NAALADL2: variants seen among roughly 807,000 people sequenced by gnomAD.
NAALADL2 encodes N-acetylated alpha-linked acidic dipeptidase like 2, also known as inactive N-acetylated-alpha-linked acidic dipeptidase-like protein 2.
In NAALADL2, 76 loss-of-function variants were observed where a neutral mutation model predicts 87.2. The ratio of observed to expected loss-of-function variants is 0.87; its 90% CI spans 0.72 to 1.05. The LOEUF (loss-of-function observed/expected upper bound fraction) is 1.05. NAALADL2 is among the 50% of genes least tolerant of loss of function. The pLI is 0.00. For missense variants in NAALADL2, 1,089 were observed against 945.8 expected (o/e 1.15, Z -1.99); for synonymous variants, 354 against 331.0 (o/e 1.07, Z -0.75).
intron 1 of NAALADL2, among the ~76,000 whole-genome samples, chr3:174,482,126 A>G (rs1281700879): frequency 1.3e-5 from 2 of 152,050 alleles, no homozygotes; most frequent in African/African-American, 4.8e-5. Context: ...TCCAACACCT[A>G]ATGCAGTTCT....
chr3:174,610,362 A>G (rs1719686295), intron 2 of NAALADL2, among the ~76,000 whole-genome samples: 2 of 151,250 alleles, frequency 1.3e-5, no homozygotes, highest in African/African-American at 4.8e-5. Flanking sequence ...AGAAACTACC[A>G]TCAGAGTGAA....
chr3:174,652,151 A>G (rs1724422995), intron 2 of NAALADL2, among the ~76,000 whole-genome samples: 1 of 152,212 alleles, frequency 6.6e-6, no homozygotes, highest in Non-Finnish European at 1.5e-5. Context: ...TCCTCGCAGC[A>G]CTCAGTCAAT....
intron 5 of NAALADL2, among the ~76,000 whole-genome samples, chr3:175,406,329 G>A (rs1261835333): frequency 6.6e-6 from 1 of 152,180 alleles, no homozygotes; most frequent in Non-Finnish European, 1.5e-5. Flanking sequence ...CCATTGGGTA[G>A]AGTATCCTTA....
chr3:175,086,046 T>G (rs960126489), intron 1 of NAALADL2, among the ~76,000 whole-genome samples: 3 of 152,204 alleles, frequency 2.0e-5, no homozygotes, highest in Admixed American at 2.0e-4. Flanking sequence ...AAAGAGTCTT[T>G]CGTTTTTCAT....
chr3:175,435,812 A>G (rs1718539585), intron 5 of NAALADL2, among the ~76,000 whole-genome samples: 1 of 151,090 alleles, frequency 6.6e-6, no homozygotes, highest in South Asian at 2.1e-4. Flanking sequence ...GGAAAGGAAG[A>G]CCCAAATTAA....
At chr3:175,294,346 T>A (rs2110168368) in intron 4 of NAALADL2, among the ~76,000 whole-genome samples, 2 of 150,512 alleles carry the variant, frequency 1.3e-5, no homozygotes, top group South Asian at 4.2e-4. Context: ...ATTTTTAATA[T>A]TCACCACTGT....
intron 1 of NAALADL2, among the ~76,000 whole-genome samples, chr3:174,500,674 T>C (rs1718823193): frequency 6.6e-6 from 1 of 152,192 alleles, no homozygotes; most frequent in Admixed American, 6.5e-5. Context: ...AATTTTATCG[T>C]GAATGGATAT....
chr3:175,323,819 C>A (rs1228959232), intron 4 of NAALADL2, among the ~76,000 whole-genome samples: 1 of 151,114 alleles, frequency 6.6e-6, no homozygotes, highest in East Asian at 2.0e-4. Context: ...CGATCGAGAC[C>A]ATCCTGGCTG....
chr3:175,798,695 T>C (rs1271834558), intron 13 of NAALADL2, among the ~76,000 whole-genome samples: 3 of 152,062 alleles, frequency 2.0e-5, no homozygotes, highest in Admixed American at 6.6e-5. Context: ...GACCTGAACA[T>C]TTTTTTAGGA....
chr3:174,478,497 TTAATTTTGGAATTTCTCCCCC>T (rs1717350324), intron 1 of NAALADL2, among the ~76,000 whole-genome samples: 1 of 152,058 alleles, frequency 6.6e-6, no homozygotes, highest in Admixed American at 6.6e-5. Context: ...GAAATCAGAT[TTAATTTTGGAATTTCTCCCCC>T]TAATTCTATA....
At chr3:174,903,361 TAAC>T in intron 1 of NAALADL2, among the ~76,000 whole-genome samples, 1 of 152,228 alleles carries the variant, frequency 6.6e-6, no homozygotes, top group East Asian at 1.9e-4. Context: ...TTACCTCACT[TAAC>T]ATTTTAGAAA....
At chr3:175,454,503 C>T (rs559147384) in intron 6 of NAALADL2, among the ~76,000 whole-genome samples, 1 of 151,900 alleles carries the variant, frequency 6.6e-6, no homozygotes, top group Admixed American at 6.6e-5. Flanking sequence ...CTTCTTCATC[C>T]CAGTTTTGGT....
At chr3:175,490,972 A>G (rs1259410339) in intron 9 of NAALADL2, among the ~76,000 whole-genome samples, 1 of 152,148 alleles carries the variant, frequency 6.6e-6, no homozygotes, top group Non-Finnish European at 1.5e-5. Flanking sequence ...TATATCTTAT[A>G]GCCTTCAAAT....
intron 2 of NAALADL2, among the ~76,000 whole-genome samples, chr3:174,643,547 G>A (rs1399125818): frequency 2.0e-5 from 3 of 151,948 alleles, no homozygotes; most frequent in African/African-American, 4.8e-5. Flanking sequence ...CCAGCTACTC[G>A]GGAGGCTGAG....
At position 175,234,018 on chromosome 3, in the gene NAALADL2, T is replaced by C; in HGVS notation, c.633T>C (p.Asp211=). 1 of 1,613,836 alleles carries C rather than the reference T, an allele frequency of 6.2e-7. No individual in the cohort carries two copies. The change falls in exon 3 of 14, where the codon GAT becomes GAC. Residue 211 remains aspartate, a synonymous_variant. Coordinates refer to ENST00000454872, the MANE Select transcript of NAALADL2 (RefSeq NM_207015.3). ...KTQWTSLGLE[D]VQFVNYSVLL... The stretch of plus-strand genomic sequence containing the variant: ...AGTGGACCTCTTTGGGCCTAGAAGA[T>C]GTACAGTTTGTAAATTACTCTGTGC...
intron 11 of NAALADL2, among the ~76,000 whole-genome samples, chr3:175,690,186 A>C (rs1736856862): frequency 6.6e-6 from 1 of 152,054 alleles, no homozygotes; most frequent in Non-Finnish European, 1.5e-5. Context: ...TGGGCCGTTC[A>C]TATTGGGCCA....
chr3:175,649,636 G>C (rs1055852726), intron 11 of NAALADL2, among the ~76,000 whole-genome samples: 1 of 152,088 alleles, frequency 6.6e-6, no homozygotes, highest in African/African-American at 2.4e-5. Flanking sequence ...AGTGCACATG[G>C]ATAGAGACAG....
At chr3:175,690,790 G>A (rs1459589793) in intron 11 of NAALADL2, among the ~76,000 whole-genome samples, 1 of 120,272 alleles carries the variant, frequency 8.3e-6, no homozygotes, top group Non-Finnish European at 1.5e-5. Context: ...GTGTATGAAA[G>A]TGTCATAGCA....
At chr3:175,599,143 A>T (rs1722625127) in intron 10 of NAALADL2, among the ~76,000 whole-genome samples, 1 of 152,122 alleles carries the variant, frequency 6.6e-6, no homozygotes, top group Non-Finnish European at 1.5e-5. Flanking sequence ...GAACTATGAA[A>T]ATTACTGCTA....
Sources: gnomAD v4.1 joint callset for allele counts (sites outside exome capture counted in the v4.1 genomes callset) on GRCh38, gnomAD v4.1.1 for gene constraint, MANE v1.5 for transcripts, NCBI Gene and HGNC (gene_info 2026-07-23, HGNC 2026-07-21) for gene names.